The following LBP variants were observed in gnomAD, a reference collection of about 807,000 sequenced individuals.
LBP encodes the protein lipopolysaccharide binding protein, also known as lipopolysaccharide-binding protein.
A neutral mutation model predicts 56.6 loss-of-function variants in LBP; 53 were observed. The observed-to-expected ratio is 0.94, with a 90% CI of 0.75 to 1.18. The LOEUF (loss-of-function observed/expected upper bound fraction) is 1.18, where lower values mean the gene tolerates loss of function less well. Ranked by LOEUF, LBP falls within the 50% of genes most tolerant of loss-of-function variation. The pLI, the probability that LBP is intolerant of heterozygous loss-of-function variation, is 0.00. For synonymous variants in LBP, 227 were observed against 247.5 expected (o/e 0.92, Z 0.78); for missense variants, 601 against 598.3 (o/e 1.00, Z -0.05).
At chr20:38,347,977 A>G (rs550209841) in intron 1 of LBP, among the ~76,000 whole-genome samples, 8 of 152,312 alleles carry the variant, frequency 5.3e-5, no homozygotes, top group African/African-American at 1.9e-4. Flanking sequence ...GAAATCAGGG[A>G]AGGATTCCAG....
rs142724815 is a variant in LBP, at chr20:38,373,127, A to C, written c.1316A>C (p.Lys439Thr). Residue 439 changes from lysine (K) to threonine (T), a missense_variant, in exon 13 of 15, where the codon AAG (lysine) becomes ACG (threonine). Lys to Thr is a moderately conservative substitution (Grantham distance 78). Coordinates refer to ENST00000217407, the MANE Select transcript of LBP (RefSeq NM_004139.5). ...NYYILNTFYP[K>T]FNDKLAEGFP... ...TACATCCTTAACACCTTCTACCCCA[A>C]GTTCAATGGTAAGAATCACTGTGGA... 7.9e-4 allele frequency: 1,271 copies of C among 1,613,272 alleles called. 9 individuals carry two copies. In the African/African-American group the frequency reaches 0.015, roughly 19 times the overall value.
chr20:38,351,072 C>T, intron 3 of LBP, 133 bp downstream of exon 3: 1 of 1,186,330 alleles, frequency 8.4e-7, no homozygotes. Flanking sequence ...CCGGAGGTGG[C>T]CTGGGGATTG....
intron 5 of LBP, among the ~76,000 whole-genome samples, chr20:38,359,198 G>T (rs973474724): frequency 6.6e-6 from 1 of 152,002 alleles, no homozygotes; most frequent in Non-Finnish European, 1.5e-5. Flanking sequence ...TTTTAGAGGG[G>T]TTTTTTTGTT....
chr20:38,370,670 C>T (rs974166942), intron 10 of LBP, 68 bp from the exon 11 acceptor site: 17 of 1,400,468 alleles, frequency 1.2e-5, no homozygotes, highest in Middle Eastern at 1.8e-4. Flanking sequence ...GTTGGTCCCT[C>T]GTCATCATCC....
At chr20:38,363,891 T>C in intron 6 of LBP, 84 bp from the exon 7 acceptor site, 1 of 955,944 alleles carries the variant, frequency 1.0e-6, no homozygotes, top group Non-Finnish European at 1.7e-6. Context: ...TCACAGGGAA[T>C]GTGAGTCAGC....
rs11536958 is a variant in LBP, at chr20:38,359,675, A to G, written c.589-1029A>G. On this transcript the variant is annotated intron_variant, in intron 5 of 14. Transcript: ENST00000217407. ...AATTCGAGTAATTACAAAAGCAAGT[A>G]CAGCAAACAGGTGGTAGGCTTTCAT... 5.4e-3 allele frequency among the ~76,000 whole-genome samples: 825 copies of G among 152,354 alleles called. 6 individuals carry two copies. The highest frequency in any genetic ancestry group is 0.019 in the African/African-American group (790 of 41,586).
intron 6 of LBP, 55 bp downstream of exon 6, chr20:38,360,822 G>A (rs2076857493): frequency 1.5e-6 from 2 of 1,313,712 alleles, no homozygotes; most frequent in South Asian, 2.4e-5. Context: ...TTCTATAAGA[G>A]CATATATATA....
chr20:38,357,191 G>T (rs1437130597), intron 5 of LBP, among the ~76,000 whole-genome samples: 2 of 152,142 alleles, frequency 1.3e-5, no homozygotes, highest in Non-Finnish European at 2.9e-5. Flanking sequence ...TTGGAAGGAG[G>T]TGCCATTTTC....
chr20:38,350,957 C>G lies in LBP; in HGVS notation c.368+18C>G. 6.2e-7 allele frequency: 1 copy of G among 1,611,302 alleles called. No individual in the cohort carries two copies. The highest frequency in any genetic ancestry group is 2.2e-5 in the East Asian group (1 of 44,812). ...TCATTCTTGTAAGTTGGCTCTGCTC[C>G]CAGGCCCTGGAGCTCTTGGCCTTGG... On this transcript the variant is annotated intron_variant, in intron 3 of 14. Coordinates refer to ENST00000217407, the MANE Select transcript of LBP (RefSeq NM_004139.5).
At position 38,349,655 on chromosome 20, in the gene LBP, T is replaced by C. The variant is rs754740570; in HGVS notation, c.232T>C (p.Phe78Leu). 1 of 1,598,730 alleles carries C rather than the reference T, an allele frequency of 6.3e-7. No homozygotes were observed. The highest frequency in any genetic ancestry group is 8.5e-7 in the Non-Finnish European group (1 of 1,170,956). Residue 78 changes from phenylalanine (F) to leucine (L), a missense_variant, in exon 2 of 15, where the codon TTC becomes CTC. Coordinates refer to ENST00000217407, the MANE Select transcript of LBP (RefSeq NM_004139.5). ...IPHVGRGRYE[F>L]HSLNIHSCEL... ...CCACGTCGGCCGTGGGCGCTATGAG[T>C]TCCACAGGTGGGGCTCTCCCTTCTG...
At chr20:38,350,753 C>T in intron 2 of LBP, 58 bp from the exon 3 acceptor site, 1 of 1,556,808 alleles carries the variant, frequency 6.4e-7, no homozygotes, top group Non-Finnish European at 8.7e-7. Context: ...CGCAAGGTCC[C>T]TGGTGAGGCT....
intron 13 of LBP, 79 bp downstream of exon 13, chr20:38,373,214 G>A: frequency 2.5e-6 from 3 of 1,215,546 alleles, no homozygotes; most frequent in Non-Finnish European, 3.6e-6. Context: ...TTGGAAAACA[G>A]GGCTCTCCTG....
rs2076802451 is a variant in LBP, at chr20:38,346,658, C to T, written c.124+18C>T. 1 of 1,612,646 alleles carries T rather than the reference C, an allele frequency of 6.2e-7. No individual in the cohort carries two copies. Among genetic ancestry groups the T allele is most frequent in the African/African-American group, 1.3e-5 (1 of 74,916 alleles). On this transcript the variant is annotated intron_variant, in intron 1 of 14. Transcript: ENST00000217407. ...GCAGTATGGTAAGAAGCCACATCTG[C>T]TGGCTGGACTTGGCAAACCCACGCT...
intron 5 of LBP, among the ~76,000 whole-genome samples, chr20:38,356,004 T>C (rs1332671681): frequency 6.6e-6 from 1 of 150,562 alleles, no homozygotes; most frequent in Non-Finnish European, 1.5e-5. Flanking sequence ...CCAAATGGTA[T>C]CTGTAGCAAT....
At chr20:38,348,779 TTTAGTTTA>T (rs2076810058) in intron 1 of LBP, among the ~76,000 whole-genome samples, 28 of 133,424 alleles carry the variant, frequency 2.1e-4, no homozygotes, top group African/African-American at 5.7e-4. Flanking sequence ...TTTAGTTTAG[TTTAGTTTA>T]GTTTTGTTTT....
intron 12 of LBP, among the ~76,000 whole-genome samples, chr20:38,371,904 TC>T (rs2076902190): frequency 1.3e-5 from 2 of 152,160 alleles, no homozygotes; most frequent in African/African-American, 4.8e-5. Context: ...TGGCCAGAAG[TC>T]AGCCCAGCAT....
intron 5 of LBP, among the ~76,000 whole-genome samples, chr20:38,357,429 T>C (rs951434765): frequency 6.6e-6 from 1 of 152,010 alleles, no homozygotes; most frequent in African/African-American, 2.4e-5. Context: ...CCTTTCTAAT[T>C]CCCCACTCAG....
chr20:38,356,420 GCACACACACACACACACA>G (rs34125610), intron 5 of LBP, among the ~76,000 whole-genome samples: 2 of 124,822 alleles, frequency 1.6e-5, no homozygotes, highest in African/African-American at 3.3e-5. Context: ...ACACACACGC[GCACACACACACACACACA>G]CACACACACA....
chr20:38,360,961 G>A (rs73621944), intron 6 of LBP, among the ~76,000 whole-genome samples, 194 bp downstream of exon 6: 4 of 151,978 alleles, frequency 2.6e-5, no homozygotes, highest in African/African-American at 9.7e-5. Flanking sequence ...TCAGGAGTTC[G>A]AGACCAGCCT....
Sources: gnomAD v4.1 joint callset for allele counts (sites outside exome capture counted in the v4.1 genomes callset) on GRCh38, gnomAD v4.1.1 for gene constraint, MANE v1.5 for transcripts, NCBI Gene and HGNC (gene_info 2026-07-23, HGNC 2026-07-21) for gene names.